The following SLC36A1 variants were observed in gnomAD, a reference collection of about 807,000 sequenced individuals.
SLC36A1 encodes solute carrier family 36 member 1.
A neutral mutation model predicts 47.5 loss-of-function variants in SLC36A1; 30 were observed. The observed-to-expected ratio is 0.63, with a 90% CI of 0.47 to 0.86. The LOEUF (loss-of-function observed/expected upper bound fraction) is 0.86. SLC36A1 is among the 40% of genes least tolerant of loss of function. The pLI is 0.00. For synonymous variants in SLC36A1, 255 were observed against 249.7 expected, an observed-to-expected ratio of 1.02 and a Z score of -0.20; for missense variants, 517 against 606.0, an observed-to-expected ratio of 0.85 and a Z score of 1.54.
At chr5:151,419,330 G>A in the SLC36A1 span, among the ~76,000 whole-genome samples, 1 of 152,146 alleles carries the variant, frequency 6.6e-6, no homozygotes, top group Non-Finnish European at 1.5e-5. Context: ...TTTAGGGCCT[G>A]ATTTCCCCAT....
At chr5:151,532,073 T>C in the SLC36A1 span, 2 of 1,458,896 alleles carry the variant, frequency 1.4e-6, no homozygotes, top group Non-Finnish European at 1.9e-6. Context: ...GGGGCTCCCA[T>C]GAAGGCGGAC....
chr5:151,390,682 G>C, the SLC36A1 span, among the ~76,000 whole-genome samples: 1 of 152,144 alleles, frequency 6.6e-6, no homozygotes, highest in Non-Finnish European at 1.5e-5. Context: ...CCCATTTCTT[G>C]TTTTTGTCAG....
the SLC36A1 span, among the ~76,000 whole-genome samples, chr5:151,348,553 A>G: frequency 6.6e-6 from 1 of 152,228 alleles, no homozygotes; most frequent in Non-Finnish European, 1.5e-5. Context: ...CAGATTTGTC[A>G]GGCCCCTCCC....
At chr5:151,356,560 C>T in the SLC36A1 span, among the ~76,000 whole-genome samples, 2 of 152,048 alleles carry the variant, frequency 1.3e-5, no homozygotes, top group Non-Finnish European at 2.9e-5. Context: ...TGAATCTTCT[C>T]CCTGAAATGC....
chr5:151,362,233 C>T, the SLC36A1 span, among the ~76,000 whole-genome samples: 4 of 152,052 alleles, frequency 2.6e-5, no homozygotes, highest in Non-Finnish European at 5.9e-5. Flanking sequence ...TTTTTAATAT[C>T]TTGTAGACAT....
rs140057648 is a variant in SLC36A1, at chr5:151,488,232, A to G, written c.1409A>G (p.Asn470Ser). The G allele has an allele frequency of 5.8e-4, 937 of 1,614,008 alleles. No individual in the cohort carries two copies. Among genetic ancestry groups the G allele is most frequent in the East Asian group, 7.6e-4 (34 of 44,862 alleles). The change falls in exon 11 of 11, where the codon AAT becomes AGT. Residue 470 changes from asparagine to serine, a missense_variant. By Grantham distance (46) the Asn-to-Ser change is conservative. Transcript: ENST00000243389. ...IQPSNAPIFI[N>S]STCAFI ...CCAAGCAATGCTCCCATCTTCATCAATTCCACCTGTGCCTTCATATAGGGA... is the reference window on the plus strand; with the variant it reads ...CCAAGCAATGCTCCCATCTTCATCAGTTCCACCTGTGCCTTCATATAGGGA...
At chr5:151,532,830 T>C in the SLC36A1 span, among the ~76,000 whole-genome samples, 1 of 152,096 alleles carries the variant, frequency 6.6e-6, no homozygotes, top group Non-Finnish European at 1.5e-5. Flanking sequence ...AGCCTAAGGG[T>C]CTCACGTCTC....
chr5:151,388,326 AC>A, the SLC36A1 span, among the ~76,000 whole-genome samples: 1 of 150,096 alleles, frequency 6.7e-6, no homozygotes, highest in Non-Finnish European at 1.5e-5. Flanking sequence ...ACATGGAAAA[AC>A]CCCCTCTCTA....
Position 151,474,178 on chromosome 5 carries a change from A to G in SLC36A1, c.822+407A>G, listed in dbSNP as rs113649336. On this transcript the variant is annotated intron_variant, in intron 8 of 10. Coordinates refer to ENST00000243389, the MANE Select transcript of SLC36A1 (RefSeq NM_078483.4). ...CTGTCTCAAAAAAAAAAAAAAAAAA[A>G]AGAAATTATCTTCTGTAACTCACTG... 3.7e-3 allele frequency among the ~76,000 whole-genome samples: 446 copies of G among 119,012 alleles called. 9 individuals carry two copies. The highest frequency in any genetic ancestry group is 5.7e-3 in the Non-Finnish European group (353 of 62,362). The allele number at this position is 119,012 out of a possible 152,430, so 78.1% of individuals were successfully genotyped here. A position where few individuals can be genotyped will look rare whatever the true frequency, so the allele number is the denominator to read the frequency against.
chr5:151,546,252 T>G, the SLC36A1 span: 2 of 1,614,136 alleles, frequency 1.2e-6, no homozygotes, highest in Non-Finnish European at 1.7e-6. Flanking sequence ...TCAGAGTATG[T>G]GGGGCATGAT....
chr5:151,416,559 C>T, the SLC36A1 span, among the ~76,000 whole-genome samples: 1 of 152,056 alleles, frequency 6.6e-6, no homozygotes, highest in Non-Finnish European at 1.5e-5. Flanking sequence ...AAAGAAATAA[C>T]CTCATTATTC....
chr5:151,390,485 C>T, the SLC36A1 span, among the ~76,000 whole-genome samples: 2 of 152,132 alleles, frequency 1.3e-5, no homozygotes, highest in Non-Finnish European at 2.9e-5. Flanking sequence ...CTTAGCCATG[C>T]CTCTGTCCTG....
At chr5:151,512,671 T>C in the SLC36A1 span, 1 of 1,396,360 alleles carries the variant, frequency 7.2e-7, no homozygotes, top group Non-Finnish European at 9.7e-7. The surrounding 1 kb of genome is among the most constrained non-coding windows in gnomAD (Gnocchi z 4.1). Flanking sequence ...GCTAAGAGGC[T>C]GCCAGTTCAA....
chr5:151,505,829 G>A, the SLC36A1 span: 1 of 1,613,268 alleles, frequency 6.2e-7, no homozygotes, highest in Middle Eastern at 1.7e-4. Flanking sequence ...GGGCAACCAG[G>A]CGCTCCCGGG....
upstream of SLC36A1, among the ~76,000 whole-genome samples, chr5:151,447,193 A>T (rs1050217480): frequency 4.6e-5 from 7 of 152,212 alleles, no homozygotes; most frequent in Middle Eastern, 3.2e-3. Flanking sequence ...ATGTTGCCCT[A>T]CCCCACAGTT....
chr5:151,552,906 T>C, the SLC36A1 span, among the ~76,000 whole-genome samples: 1 of 152,224 alleles, frequency 6.6e-6, no homozygotes, highest in South Asian at 2.1e-4. Context: ...ATTTTAGGTC[T>C]CCTAGGCCCT....
At chr5:151,419,734 T>C in the SLC36A1 span, among the ~76,000 whole-genome samples, 25,544 of 152,202 alleles carry the variant, frequency 0.17, 2,393 homozygotes, top group East Asian at 0.38. Flanking sequence ...GGACTGGGGA[T>C]CAACTTTGAG....
the SLC36A1 span, chr5:151,550,999 AT>A: frequency 3.8e-6 from 3 of 786,164 alleles, no homozygotes; most frequent in Non-Finnish European, 6.1e-6. Context: ...CTTGATAAAT[AT>A]TTGTTGAATG....
downstream of SLC36A1, among the ~76,000 whole-genome samples, chr5:151,492,543 G>A (rs1023282206): frequency 6.6e-6 from 1 of 151,958 alleles, no homozygotes; most frequent in Admixed American, 6.6e-5. Flanking sequence ...AGAAGAAAGG[G>A]ACTAGGAATG....
Sources: gnomAD v4.1 joint callset for allele counts (sites outside exome capture counted in the v4.1 genomes callset) on GRCh38, gnomAD v4.1.1 for gene constraint, Gnocchi (gnomAD v3.1) non-coding constraint, MANE v1.5 for transcripts, NCBI Gene and HGNC (gene_info 2026-07-23, HGNC 2026-07-21) for gene names.